The following SKIDA1 variants were observed in gnomAD, a reference collection of about 807,000 sequenced individuals.
The protein encoded by SKIDA1 is SKI/DACH domain containing 1.
In SKIDA1, 18 loss-of-function variants were observed where a neutral mutation model predicts 51.4. The observed-to-expected ratio is 0.35, with a 90% CI of 0.24 to 0.52. SKIDA1 has a LOEUF of 0.52. SKIDA1 is among the 20% of genes least tolerant of loss of function. The pLI, the probability that SKIDA1 is intolerant of heterozygous loss-of-function variation, is 0.95. For missense variants in SKIDA1, 1,104 were observed against 1,180.6 expected, an observed-to-expected ratio of 0.94 and a Z score of 0.95; for synonymous variants, 579 against 500.5, an observed-to-expected ratio of 1.16 and a Z score of -2.09.
chr10:21,525,378 G>A (rs997326564), intron 1 of SKIDA1, among the ~76,000 whole-genome samples, 169 bp downstream of exon 1: 3 of 152,126 alleles, frequency 2.0e-5, no homozygotes, highest in Non-Finnish European at 2.9e-5. Context: ...TGGCTTTGTG[G>A]GTCTGCGTGG....
rs1316458654 is a variant in SKIDA1 at position 21,514,509 on chromosome 10, A to T, written c.*587T>A. On this transcript the variant is annotated 3_prime_UTR_variant, in exon 4 of 4. Transcript: ENST00000449193. ...CTTTCCACTAAAAAAAAAAAAAAAA[A>T]GTTAAGTGCAACTACTCTTGGAGAG... The T allele has an allele frequency of 6.6e-6, 1 of 151,510 alleles. No homozygotes were observed. Among genetic ancestry groups the T allele is most frequent in the Non-Finnish European group, 1.5e-5 (1 of 67,850 alleles). The allele number at this position is 151,510 out of a possible 1,614,324, so 9.4% of individuals were successfully genotyped here.
chr10:21,523,609 C>T (rs755536396), intron 2 of SKIDA1, 74 bp downstream of exon 2: 1 of 152,036 alleles, frequency 6.6e-6, no homozygotes, highest in Non-Finnish European at 1.5e-5. Flanking sequence ...TAGGGTTGCC[C>T]AAGTTTTTGT....
rs1351052067 is a variant in SKIDA1 at position 21,519,577 on chromosome 10, A to G, written c.-1755T>C. ...TGTTTGCAACTACAACATAAATGCA[A>G]CCCAGGCATTTATGTGTTTCCTTGT... On this transcript the variant is annotated 5_prime_UTR_variant, in exon 4 of 4. Transcript: ENST00000449193. 1 of 167,054 alleles carries G rather than the reference A, an allele frequency of 6.0e-6. No individual in the cohort carries two copies. 10.3% of individuals were successfully genotyped at this position (167,054 alleles called of 1,614,324 possible).
chr10:21,523,591 C>T (rs2032503707), intron 2 of SKIDA1, 92 bp downstream of exon 2: 1 of 152,154 alleles, frequency 6.6e-6, no homozygotes, highest in Admixed American at 6.6e-5. Flanking sequence ...TCCAGAACCA[C>T]AATTTGTTAG....
In SKIDA1 at chr10:21,516,687, C is replaced by A. The variant is rs1326422485; in HGVS notation, c.1136G>T (p.Cys379Phe). ...GGAGCTGGACTCGGAGTCGCTGCTG[C>A]AGCTCTCGGGAAAGCTGCCCAGATG... The part of the protein sequence containing the change: ...QPHLGSFPES[C>F]SSDSESSSYS... The change falls in exon 4 of 4, where the codon TGC (cysteine) becomes TTC (phenylalanine). Residue 379 changes from cysteine (C) to phenylalanine (F), a missense_variant. Coordinates refer to ENST00000449193, the MANE Select transcript of SKIDA1 (RefSeq NM_207371.4). The surrounding 1 kb of genome is among the most constrained non-coding windows in gnomAD (Gnocchi z 5.7). 5 of 1,551,506 alleles carry A rather than the reference C, an allele frequency of 3.2e-6. No homozygotes were observed. The Admixed American group carries it at 5.9e-5, about 18-fold the overall frequency.
Position 21,517,180 on chromosome 10 carries a change from G to T in SKIDA1, c.643C>A (p.Arg215=). 7.0e-7 allele frequency: 1 copy of T among 1,425,188 alleles called. No individual in the cohort carries two copies. The highest frequency in any genetic ancestry group is 9.2e-7 in the Non-Finnish European group (1 of 1,081,574). The allele number at this position is 1,425,188 out of a possible 1,614,324, so 88.3% of individuals were successfully genotyped here. ...VAFPSDPAYF[R]SLLCSKHPAA... The stretch of plus-strand genomic sequence containing the variant: ...GGGTGTTTGCTGCACAGCAGGCTCC[G>T]AAAATAAGCAGGGTCCGAGGGGAAG... The change falls in exon 4 of 4, where the codon CGG becomes AGG. Residue 215 remains arginine (R), a synonymous_variant. Coordinates refer to ENST00000449193, the MANE Select transcript of SKIDA1 (RefSeq NM_207371.4). The surrounding 1 kb of genome is among the most constrained non-coding windows in gnomAD (Gnocchi z 6.9).
At chr10:21,524,849 G>C (rs1395204400) in intron 1 of SKIDA1, 1 of 152,198 alleles carries the variant, frequency 6.6e-6, no homozygotes, top group Non-Finnish European at 1.5e-5. Context: ...TTCCCCATCT[G>C]AACATTTTCT....
chr10:21,517,070 GGCC>G lies in SKIDA1; in HGVS notation c.750_752del (p.Ala251del). 9.5e-7 allele frequency: 1 copy of G among 1,055,414 alleles called. No individual in the cohort carries two copies. Among genetic ancestry groups the G allele is most frequent in the Non-Finnish European group, 1.1e-6 (1 of 876,992 alleles). The allele number at this position is 1,055,414 out of a possible 1,614,324, so 65.4% of individuals were successfully genotyped here. A position where few individuals can be genotyped will look rare whatever the true frequency, so the allele number is the denominator to read the frequency against. On this transcript the variant is annotated inframe_deletion, in exon 4 of 4. Coordinates refer to ENST00000449193, the MANE Select transcript of SKIDA1 (RefSeq NM_207371.4). The surrounding 1 kb of genome is among the most constrained non-coding windows in gnomAD (Gnocchi z 6.9). Reference sequence around the variant, plus strand: ...CCGCCGCTGCCTTGGGCTGGGGCCCGGCCGCCGATACCTGGTAATAGGCGGCGG... The same window carrying G: ...CCGCCGCTGCCTTGGGCTGGGGCCCGGCCGATACCTGGTAATAGGCGGCGG...
chr10:21,517,325 G>C lies in SKIDA1; in HGVS notation c.498C>G (p.Ala166=). The C allele has an allele frequency of 7.0e-7, 1 of 1,431,888 alleles. No homozygotes were observed. The highest frequency in any genetic ancestry group is 9.2e-7 in the Non-Finnish European group (1 of 1,090,304). The allele number at this position is 1,431,888 out of a possible 1,614,324, so 88.7% of individuals were successfully genotyped here. A position where few individuals can be genotyped will look rare whatever the true frequency, so the allele number is the denominator to read the frequency against. The change falls in exon 4 of 4, where the codon GCC becomes GCG. Residue 166 remains alanine, a synonymous_variant. Coordinates refer to ENST00000449193, the MANE Select transcript of SKIDA1 (RefSeq NM_207371.4). This position sits in a 1 kb window ranked among gnomAD's most constrained non-coding sequence, Gnocchi z 6.9. The part of the protein sequence containing the change: ...QRPGAAAARP[A]AHLPQIFSKY... ...TGCTAAAAATCTGAGGTAGATGGGC[G>C]GCGGGGCGCGCGGCGGCGGCGCCCG... is the stretch of plus-strand genomic sequence containing the variant.
In SKIDA1 at chr10:21,523,702, A is replaced by T. The variant is rs1183121911; in HGVS notation, c.-1948T>A. On this transcript the variant is annotated 5_prime_UTR_variant, in exon 2 of 4. Coordinates refer to ENST00000449193, the MANE Select transcript of SKIDA1 (RefSeq NM_207371.4). ...GCCTACCTATGGGCTGCTCAGCCAT[A>T]CTGAAATCCTGAGCCACCACGAGGG... The T allele has an allele frequency of 2.0e-5, 3 of 152,196 alleles. No homozygotes were observed. Among genetic ancestry groups the T allele is most frequent in the African/African-American group, 7.2e-5 (3 of 41,438 alleles). 9.4% of individuals were successfully genotyped at this position (152,196 alleles called of 1,614,324 possible).
At position 21,516,380 on chromosome 10, in the gene SKIDA1, G is replaced by A; in HGVS notation, c.1443C>T (p.Ala481=). 6.2e-7 allele frequency: 1 copy of A among 1,613,440 alleles called. No individual in the cohort carries two copies. The highest frequency in any genetic ancestry group is 2.2e-5 in the East Asian group (1 of 44,884). ...CGGAGGCCAGATGGTACAAGAAGTT[G>A]GCCTGCGCCTGCACGCTGGGAGGCT... is the stretch of plus-strand genomic sequence containing the variant. ...FCKPPSVQAQ[A]NFLYHLASAA... The change falls in exon 4 of 4, where the codon GCC becomes GCT. Residue 481 remains alanine (A), a synonymous_variant. Coordinates refer to ENST00000449193, the MANE Select transcript of SKIDA1 (RefSeq NM_207371.4). This position sits in a 1 kb window ranked among gnomAD's most constrained non-coding sequence, Gnocchi z 5.7.
rs749971978 is a variant in SKIDA1 at position 21,516,552 on chromosome 10, TCCTCCTCCTCCTCCTCTC to T, written c.1253_1270del (p.Gly418_Glu423del). 17 of 1,467,714 alleles carry T rather than the reference TCCTCCTCCTCCTCCTCTC, an allele frequency of 1.2e-5. No homozygotes were observed. Among genetic ancestry groups the T allele is most frequent in the Admixed American group, 4.0e-5 (2 of 49,568 alleles). 90.9% of individuals were successfully genotyped at this position (1,467,714 alleles called of 1,614,324 possible). On this transcript the variant is annotated inframe_deletion, in exon 4 of 4. Coordinates refer to ENST00000449193, the MANE Select transcript of SKIDA1 (RefSeq NM_207371.4). This position sits in a 1 kb window ranked among gnomAD's most constrained non-coding sequence, Gnocchi z 5.7. ...CCCGCTGCCCCCCTCCTCCTCCTCT[TCCTCCTCCTCCTCCTCTC>T]CCTCCTCCTCCTCTTCCTCTGAGGA...
intron 1 of SKIDA1, among the ~76,000 whole-genome samples, 181 bp downstream of exon 1, chr10:21,525,366 T>C (rs1342358347): frequency 6.6e-6 from 1 of 152,180 alleles, no homozygotes; most frequent in Non-Finnish European, 1.5e-5. Flanking sequence ...TATCCGCAAG[T>C]CTGGCTTTGT....
In SKIDA1 at chr10:21,515,859, G is replaced by A. The variant is rs753463632; in HGVS notation, c.1964C>T (p.Pro655Leu). ...TGCTGCTCCTGCAGCGTTCACTTCA[G>A]GATCAGTCTGCGAAGAGGGCAAATC... ...ATDLPSSQTDPEVNAAGAAAT... is the reference protein window; with the variant it reads ...ATDLPSSQTDLEVNAAGAAAT... The change falls in exon 4 of 4, where the codon CCT becomes CTT. Residue 655 changes from proline to leucine, a missense_variant. Transcript: ENST00000449193. 5.0e-6 allele frequency: 8 copies of A among 1,614,064 alleles called. No individual in the cohort carries two copies. The East Asian group carries it at 1.1e-4, about 22-fold the overall frequency.
chr10:21,523,451 C>T (rs916427902), intron 2 of SKIDA1, among the ~76,000 whole-genome samples: 1 of 152,074 alleles, frequency 6.6e-6, no homozygotes, highest in Non-Finnish European at 1.5e-5. Flanking sequence ...CCTTTCCCCC[C>T]AATTATCTTG....
In SKIDA1 at chr10:21,517,988, G is replaced by A. The variant is rs1361293693; in HGVS notation, c.-166C>T. 3 of 574,328 alleles carry A rather than the reference G, an allele frequency of 5.2e-6. No homozygotes were observed. The highest frequency in any genetic ancestry group is 3.8e-5 in the Admixed American group (1 of 26,422). The allele number at this position is 574,328 out of a possible 1,614,324, so 35.6% of individuals were successfully genotyped here. A position where few individuals can be genotyped will look rare whatever the true frequency, so the allele number is the denominator to read the frequency against. ...CCGGCGAAGGAAGTGCCAAACTCTAGGCGAAATTATTGGGGGGGGGGAAAC... is the reference window on the plus strand; with the variant it reads ...CCGGCGAAGGAAGTGCCAAACTCTAAGCGAAATTATTGGGGGGGGGGAAAC... On this transcript the variant is annotated 5_prime_UTR_variant, in exon 4 of 4. Transcript: ENST00000449193. The surrounding 1 kb of genome is among the most constrained non-coding windows in gnomAD (Gnocchi z 6.9).
At position 21,514,944 on chromosome 10, in the gene SKIDA1, G is replaced by T. The variant is rs1161202991; in HGVS notation, c.*152C>A. 7.1e-5 allele frequency: 39 copies of T among 551,944 alleles called. No homozygotes were observed. Among genetic ancestry groups the T allele is most frequent in the Non-Finnish European group, 8.7e-5 (39 of 450,682 alleles). 34.2% of individuals were successfully genotyped at this position (551,944 alleles called of 1,614,324 possible). ...GAAAAAAAAAAAAAAACCCGCAACG[G>T]AAAAAAAGTAATCCGATTTCTGTCT... On this transcript the variant is annotated 3_prime_UTR_variant, in exon 4 of 4. Coordinates refer to ENST00000449193, the MANE Select transcript of SKIDA1 (RefSeq NM_207371.4).
In SKIDA1 at chr10:21,515,081, T is replaced by C. The variant is rs1484473261; in HGVS notation, c.*15A>G. 7.6e-6 allele frequency: 12 copies of C among 1,576,012 alleles called. No individual in the cohort carries two copies. Among genetic ancestry groups the C allele is most frequent in the Non-Finnish European group, 9.5e-6 (11 of 1,160,846 alleles). ...GAAGGTAATATGGTTCAAGAAAATA[T>C]CTTCCAAAACATTTTTATGAATTAA... On this transcript the variant is annotated 3_prime_UTR_variant, in exon 4 of 4. Transcript: ENST00000449193.
rs767450842 is a variant in SKIDA1 at position 21,516,353 on chromosome 10, G to A, written c.1470C>T (p.Ala490=). 1.2e-6 allele frequency: 2 copies of A among 1,613,340 alleles called. No individual in the cohort carries two copies. Among genetic ancestry groups the A allele is most frequent in the Non-Finnish European group, 1.7e-6 (2 of 1,179,902 alleles). The change falls in exon 4 of 4, where the codon GCC becomes GCT. Residue 490 remains alanine, a synonymous_variant. Coordinates refer to ENST00000449193, the MANE Select transcript of SKIDA1 (RefSeq NM_207371.4). This position sits in a 1 kb window ranked among gnomAD's most constrained non-coding sequence, Gnocchi z 5.7. The part of the protein sequence containing the change: ...QANFLYHLAS[A]AAATKPAAFE... Reference sequence around the variant, plus strand: ...AAGCAGCGGGTTTGGTTGCAGCGGCGGCGGAGGCCAGATGGTACAAGAAGT... The same window carrying A: ...AAGCAGCGGGTTTGGTTGCAGCGGCAGCGGAGGCCAGATGGTACAAGAAGT...
Sources: gnomAD v4.1 joint callset for allele counts (sites outside exome capture counted in the v4.1 genomes callset) on GRCh38, gnomAD v4.1.1 for gene constraint, Gnocchi (gnomAD v3.1) non-coding constraint, MANE v1.5 for transcripts, NCBI Gene and HGNC (gene_info 2026-07-23, HGNC 2026-07-21) for gene names.